Variants in IGSF21 observed in about 807,000 individuals in gnomAD.
IGSF21 encodes immunoglobin superfamily member 21.
Under a neutral mutation model 46.8 loss-of-function variants are expected in IGSF21, and 28 were observed. That is an observed-to-expected ratio of 0.60 (90% CI 0.44 to 0.82). The LOEUF is 0.82. Ranked by LOEUF, IGSF21 falls within the 40% of genes least tolerant of loss-of-function variation. The pLI is 0.00. For synonymous variants in IGSF21, 284 were observed against 273.6 expected, an observed-to-expected ratio of 1.04 and a Z score of -0.38; for missense variants, 624 against 665.5, an observed-to-expected ratio of 0.94 and a Z score of 0.69.
chr1:18,278,461 G>A (rs1261912960), intron 2 of IGSF21, among the ~76,000 whole-genome samples: 6 of 151,382 alleles, frequency 4.0e-5, no homozygotes, highest in Admixed American at 1.3e-4. Context: ...GGCTGGTCTC[G>A]AACTCCTAAC....
In IGSF21 at chr1:18,120,830, C is replaced by T. The variant is rs147036438; in HGVS notation, c.70+12632C>T. Among the ~76,000 whole-genome samples, 59 of 152,278 alleles carry T rather than the reference C, an allele frequency of 3.9e-4. 1 individual carries two copies. The East Asian group carries it at 0.011, about 28-fold the overall frequency. ...GCAGCTTGCAAAGCGGAAGCACTAGCGCTCTCCACAGGCTGGTATTGACCT... is the reference window on the plus strand; with the variant it reads ...GCAGCTTGCAAAGCGGAAGCACTAGTGCTCTCCACAGGCTGGTATTGACCT... On this transcript the variant is annotated intron_variant, in intron 1 of 9. Transcript: ENST00000251296.
intron 2 of IGSF21, among the ~76,000 whole-genome samples, chr1:18,275,744 A>G (rs2085094297): frequency 6.6e-6 from 1 of 152,174 alleles, no homozygotes; most frequent in Non-Finnish European, 1.5e-5. Flanking sequence ...AGACACCTGC[A>G]GGAGACAGGA....
At chr1:18,254,186 G>C (rs960164908) in intron 2 of IGSF21, among the ~76,000 whole-genome samples, 2 of 152,176 alleles carry the variant, frequency 1.3e-5, no homozygotes, top group African/African-American at 4.8e-5. Context: ...GATGATCCCA[G>C]TGCTTCTGCT....
intron 6 of IGSF21, among the ~76,000 whole-genome samples, chr1:18,368,090 G>A (rs2086185983): frequency 1.3e-5 from 2 of 152,090 alleles, no homozygotes; most frequent in Non-Finnish European, 2.9e-5. Flanking sequence ...TGCCCAAGGT[G>A]AGTGGGGGAG....
intron 2 of IGSF21, among the ~76,000 whole-genome samples, chr1:18,248,099 G>T (rs2124524134): frequency 6.6e-6 from 1 of 152,334 alleles, no homozygotes; most frequent in Non-Finnish European, 1.5e-5. Flanking sequence ...TTTTCCTCTA[G>T]TGCTGGAGAG....
intron 3 of IGSF21, among the ~76,000 whole-genome samples, chr1:18,319,570 T>G (rs1223229424): frequency 2.0e-5 from 3 of 150,604 alleles, no homozygotes; most frequent in South Asian, 2.1e-4. Context: ...CATTAAAAAT[T>G]TATGTACTGT....
chr1:18,262,149 G>A (rs777576657), intron 2 of IGSF21, among the ~76,000 whole-genome samples: 8 of 152,152 alleles, frequency 5.3e-5, no homozygotes, highest in Non-Finnish European at 8.8e-5. Context: ...AATCGGGACC[G>A]TACTTTGAAT....
At chr1:18,225,777 G>A (rs2084560374) in intron 1 of IGSF21, among the ~76,000 whole-genome samples, 1 of 152,168 alleles carries the variant, frequency 6.6e-6, no homozygotes, top group South Asian at 2.1e-4. Flanking sequence ...CATCTTTAGG[G>A]CTGGAAGAAA....
chr1:18,247,495 T>G (rs2084796827), intron 2 of IGSF21, among the ~76,000 whole-genome samples: 1 of 152,040 alleles, frequency 6.6e-6, no homozygotes, highest in South Asian at 2.1e-4. Flanking sequence ...GAGGTGAAAG[T>G]GGCAGGAGAG....
At chr1:18,111,523 G>A (rs2086144972) in intron 1 of IGSF21, 1 of 152,212 alleles carries the variant, frequency 6.6e-6, no homozygotes, top group Non-Finnish European at 1.5e-5. Flanking sequence ...AAGCTGCCCT[G>A]GTGGATGCTG....
Position 18,365,559 on chromosome 1 carries a change from C to G in IGSF21, c.877C>G (p.Pro293Ala). Residue 293 changes from proline to alanine, a missense_variant, in exon 6 of 10, where the codon CCG becomes GCG. Coordinates refer to ENST00000251296, the MANE Select transcript of IGSF21 (RefSeq NM_032880.5). This position sits in a 1 kb window ranked among gnomAD's most constrained non-coding sequence, Gnocchi z 4.8. ...CTACTTCCTGCGCCACAGCCGCACC[C>G]CGAGCAGTGACGGCACTGTGGAAGT... Reference protein sequence around the residue: ...PTYFLRHSRTPSSDGTVEVRA... With the variant: ...PTYFLRHSRTASSDGTVEVRA... The G allele has an allele frequency of 6.2e-7, 1 of 1,614,194 alleles. No homozygotes were observed. Among genetic ancestry groups the G allele is most frequent in the Non-Finnish European group, 8.5e-7 (1 of 1,180,044 alleles).
At chr1:18,148,483 C>T (rs577434583) in intron 1 of IGSF21, among the ~76,000 whole-genome samples, 4 of 152,170 alleles carry the variant, frequency 2.6e-5, no homozygotes, top group African/African-American at 9.7e-5. Flanking sequence ...AACACTGAAG[C>T]CCGGAGAAGC....
At chr1:18,146,434 C>G (rs2086467558) in intron 1 of IGSF21, among the ~76,000 whole-genome samples, 1 of 152,128 alleles carries the variant, frequency 6.6e-6, no homozygotes, top group African/African-American at 2.4e-5. Flanking sequence ...AGTCATTTCA[C>G]TCTCAGGAGA....
In IGSF21 at chr1:18,282,358, A is replaced by G. The variant is rs113859282; in HGVS notation, c.184-9508A>G. Among the ~76,000 whole-genome samples, 817 of 152,222 alleles carry G rather than the reference A, an allele frequency of 5.4e-3. 5 individuals are homozygous for G. Among genetic ancestry groups the G allele is most frequent in the African/African-American group, 0.019 (772 of 41,520 alleles). ...TCTGGCCCAGGTGATTCCACTGTGCACTGAAGTTCGAATGTCTGGCATCTA... is the reference window on the plus strand; with the variant it reads ...TCTGGCCCAGGTGATTCCACTGTGCGCTGAAGTTCGAATGTCTGGCATCTA... On this transcript the variant is annotated intron_variant, in intron 2 of 9. Coordinates refer to ENST00000251296, the MANE Select transcript of IGSF21 (RefSeq NM_032880.5).
At chr1:18,224,071 G>T (rs2084537669) in intron 1 of IGSF21, among the ~76,000 whole-genome samples, 1 of 152,176 alleles carries the variant, frequency 6.6e-6, no homozygotes, top group African/African-American at 2.4e-5. Flanking sequence ...CTAGCCAGGT[G>T]CACAGGGGGT....
intron 2 of IGSF21, among the ~76,000 whole-genome samples, chr1:18,248,316 C>G (rs1181581442): frequency 6.6e-6 from 1 of 152,234 alleles, no homozygotes; most frequent in African/African-American, 2.4e-5. Flanking sequence ...CCAGAATTAA[C>G]CCCTCTGTAC....
At chr1:18,239,571 C>T (rs1341309) in intron 2 of IGSF21, among the ~76,000 whole-genome samples, 13,666 of 152,268 alleles carry the variant, frequency 0.09, 769 homozygotes, top group East Asian at 0.23. Context: ...AGCCTTGCTT[C>T]CTACCACGTT....
chr1:18,250,757 C>T (rs1396130581), intron 2 of IGSF21, among the ~76,000 whole-genome samples: 1 of 152,220 alleles, frequency 6.6e-6, no homozygotes, highest in Non-Finnish European at 1.5e-5. Flanking sequence ...AGTCTACAAG[C>T]ATTTATAAAG....
intron 3 of IGSF21, among the ~76,000 whole-genome samples, chr1:18,324,646 C>T (rs1046531405): frequency 6.6e-6 from 1 of 152,202 alleles, no homozygotes; most frequent in Admixed American, 6.5e-5. Context: ...TCTGGGAGAG[C>T]TATTAAAGGA....
Sources: allele counts gnomAD v4.1 joint callset (sites outside exome capture counted in the v4.1 genomes callset), GRCh38; gene constraint gnomAD v4.1.1; non-coding constraint Gnocchi (gnomAD v3.1); transcripts MANE v1.5; gene names NCBI Gene and HGNC (gene_info 2026-07-23, HGNC 2026-07-21).